Variants in SLC29A4 observed in about 807,000 individuals in gnomAD.
SLC29A4 encodes equilibrative nucleoside transporter 4.
A neutral mutation model predicts 43.9 loss-of-function variants in SLC29A4; 36 were observed. That is an observed-to-expected ratio of 0.82 (90% CI 0.63 to 1.08). SLC29A4 has a LOEUF of 1.08. Among genes scored for constraint, SLC29A4 ranks in the 50% least tolerant of loss-of-function variants. The probability of loss-of-function intolerance (pLI) is 0.00; values close to 1 mark genes in which losing one functional copy is unlikely to be tolerated. For missense variants in SLC29A4, 869 were observed against 755.3 expected (o/e 1.15, Z -1.77); for synonymous variants, 491 against 338.0 (o/e 1.45, Z -4.97).
At chr7:5,292,862 C>T (rs1233760938) in intron 5 of SLC29A4, among the ~76,000 whole-genome samples, 1 of 151,628 alleles carries the variant, frequency 6.6e-6, no homozygotes, top group East Asian at 1.9e-4. Context: ...CCATGCCAGG[C>T]TAATTTTTGT....
At chr7:5,293,466 A>G (rs1230289350) in intron 5 of SLC29A4, among the ~76,000 whole-genome samples, 1 of 152,150 alleles carries the variant, frequency 6.6e-6, no homozygotes, top group Admixed American at 6.6e-5. Flanking sequence ...CACTATGCCT[A>G]GCCAGCTTGG....
chr7:5,296,445 G>GCGGAGCTGGGGGCACC (rs1785667273), intron 6 of SLC29A4, among the ~76,000 whole-genome samples: 1 of 147,806 alleles, frequency 6.8e-6, no homozygotes, highest in Non-Finnish European at 1.5e-5. Flanking sequence ...TGTGGCTGGG[G>GCGGAGCTGGGGGCACC]CGGAGCTGGG....
chr7:5,291,306 A>C lies in SLC29A4; in HGVS notation c.415+69A>C, dbSNP rs536440464. Reference sequence around the variant, plus strand: ...CACCTGCCTGGCCGGTCACCCACTCACCCAGTTTCCCTGAGCCTCACTCCC... The same window carrying C: ...CACCTGCCTGGCCGGTCACCCACTCCCCCAGTTTCCCTGAGCCTCACTCCC... On this transcript the variant is annotated intron_variant, in intron 4 of 10. Transcript: ENST00000396872. 3.4e-4 allele frequency: 490 copies of C among 1,425,074 alleles called. 1 individual carries two copies. The African/African-American group carries it at 6.3e-3, about 18-fold the overall frequency. 88.3% of individuals were successfully genotyped at this position (1,425,074 alleles called of 1,614,324 possible).
Position 5,300,557 on chromosome 7 carries a change from C to G in SLC29A4, c.1345C>G (p.Pro449Ala), listed in dbSNP as rs1356455035. Residue 449 changes from proline to alanine, a missense_variant, in exon 10 of 11, where the codon CCC becomes GCC. Transcript: ENST00000396872. ...GCCCGCCCTCCGTCACCCCGCCTGGCCCTGCATCTTCTCACTGCTCATGGG... is the reference window on the plus strand; with the variant it reads ...GCCCGCCCTCCGTCACCCCGCCTGGGCCTGCATCTTCTCACTGCTCATGGG... ...GMPALRHPAW[P>A]CIFSLLMGIS... 1 of 1,612,392 alleles carries G rather than the reference C, an allele frequency of 6.2e-7. No homozygotes were observed. Among genetic ancestry groups the G allele is most frequent in the African/African-American group, 1.3e-5 (1 of 75,004 alleles).
In SLC29A4 at chr7:5,306,897, T is replaced by TC. The variant is rs1374339779; in HGVS notation, c.*3963dup. 1 of 148,596 alleles carries TC rather than the reference T, an allele frequency of 6.7e-6. No homozygotes were observed. The highest frequency in any genetic ancestry group is 6.6e-5 in the Admixed American group (1 of 15,138). The allele number at this position is 148,596 out of a possible 1,614,324, so 9.2% of individuals were successfully genotyped here. On this transcript the variant is annotated 3_prime_UTR_variant, in exon 11 of 11. Coordinates refer to ENST00000396872, the MANE Select transcript of SLC29A4 (RefSeq NM_153247.4). ...AAACATAAAAAAAAAAACCAATAAT[T>TC]CCCCCAAAAAACAAACCCAAAGTCT...
Position 5,299,282 on chromosome 7 carries a change from C to A in SLC29A4, c.1064C>A (p.Ala355Asp), listed in dbSNP as rs374421321. ...TACGTGGTGGCGCGGGTGATCTGGG[C>A]CGACATGCTCTCCATCGCCGTGACC... ...HRYVVARVIW[A>D]DMLSIAVTYF... The change falls in exon 9 of 11, where the codon GCC (alanine) becomes GAC (aspartate). Residue 355 changes from alanine to aspartate, a missense_variant. Transcript: ENST00000396872. 1 of 1,611,912 alleles carries A rather than the reference C, an allele frequency of 6.2e-7. No individual in the cohort carries two copies. The highest frequency in any genetic ancestry group is 1.3e-5 in the African/African-American group (1 of 74,874).
At chr7:5,300,721 G>C (rs1328609564) in intron 10 of SLC29A4, 59 bp downstream of exon 10, 12 of 1,577,828 alleles carry the variant, frequency 7.6e-6, no homozygotes, top group African/African-American at 1.4e-5. Context: ...TGCCCCCCTC[G>C]CGAGGAAACC....
At chr7:5,284,038 C>T (rs913971139) in intron 1 of SLC29A4, among the ~76,000 whole-genome samples, 3 of 108,436 alleles carry the variant, frequency 2.8e-5, no homozygotes, top group Non-Finnish European at 4.2e-5. Flanking sequence ...CACGACCCCC[C>T]CCCCCACCCC....
intron 10 of SLC29A4, among the ~76,000 whole-genome samples, 159 bp downstream of exon 10, chr7:5,300,821 C>T (rs1185638912): frequency 6.6e-6 from 1 of 152,230 alleles, no homozygotes; most frequent in African/African-American, 2.4e-5. Context: ...CATTCTCAGC[C>T]ACTTCATTCA....
At chr7:5,290,489 C>T (rs555702399) in intron 2 of SLC29A4, among the ~76,000 whole-genome samples, 13 of 152,314 alleles carry the variant, frequency 8.5e-5, no homozygotes, top group African/African-American at 1.7e-4. Flanking sequence ...GAGCTGGTTT[C>T]CTGTCCATCA....
chr7:5,299,112 G>A lies in SLC29A4; in HGVS notation c.1007G>A (p.Trp336Ter), dbSNP rs1785945134. The change falls in exon 8 of 11, where the codon TGG becomes TAG. Residue 336 changes from tryptophan (W) to a stop codon, truncating the protein, a stop_gained. Transcript: ENST00000396872. LOFTEE classifies it high-confidence loss of function. ...DVPRPRVQRS[W>*]PTFRALLLHR... ...CCGCGGCCAAGGGTCCAGCGCAGCT[G>A]GCCCACCTTCAGAGGTGAGTGCGGG... 6.2e-7 allele frequency: 1 copy of A among 1,610,468 alleles called. No individual in the cohort carries two copies. The highest frequency in any genetic ancestry group is 8.5e-7 in the Non-Finnish European group (1 of 1,179,132).
At chr7:5,302,677 C>A in intron 10 of SLC29A4, 120 bp from the exon 11 acceptor site, 1 of 960,876 alleles carries the variant, frequency 1.0e-6, no homozygotes, top group Non-Finnish European at 1.5e-6. Flanking sequence ...AGCGATGGGG[C>A]AGCGGGTCCT....
At chr7:5,299,545 A>C (rs1785983808) in intron 9 of SLC29A4, 118 bp downstream of exon 9, 1 of 1,172,448 alleles carries the variant, frequency 8.5e-7, no homozygotes, top group African/African-American at 1.5e-5. Flanking sequence ...CCAGGTGGAA[A>C]GGGCAAGAGC....
chr7:5,295,708 G>A lies in SLC29A4; in HGVS notation c.619+774G>A, dbSNP rs1342110811. On this transcript the variant is annotated intron_variant, in intron 6 of 10. Coordinates refer to ENST00000396872, the MANE Select transcript of SLC29A4 (RefSeq NM_153247.4). ...TGGCCCTGGCTCGTTTCTCCCCTTG[G>A]GGGCGTTCTGCAACCCTCTGCCTGG... 2.0e-5 allele frequency among the ~76,000 whole-genome samples: 3 copies of A among 152,240 alleles called. No homozygotes were observed. In the East Asian group the frequency reaches 5.8e-4, roughly 29 times the overall value.
At position 5,306,890 on chromosome 7, in the gene SLC29A4, C is replaced by CAAT. The variant is rs1386571663; in HGVS notation, c.*3955_*3957dup. On this transcript the variant is annotated 3_prime_UTR_variant, in exon 11 of 11. Coordinates refer to ENST00000396872, the MANE Select transcript of SLC29A4 (RefSeq NM_153247.4). ...CCAAAAGAAACATAAAAAAAAAAAC[C>CAAT]AATAATTCCCCCAAAAAACAAACCC... The CAAT allele has an allele frequency of 1.5e-4, 22 of 147,402 alleles. No individual in the cohort carries two copies. Among genetic ancestry groups the CAAT allele is most frequent in the African/African-American group, 5.0e-4 (19 of 37,890 alleles). The allele number at this position is 147,402 out of a possible 1,614,324, so 9.1% of individuals were successfully genotyped here.
intron 1 of SLC29A4, 25 bp from the exon 2 acceptor site, chr7:5,287,784 G>C (rs764447381): frequency 1.2e-6 from 2 of 1,604,088 alleles, no homozygotes; most frequent in Admixed American, 3.5e-5. Flanking sequence ...TCCCTCACCT[G>C]CTCTCTCTGC....
At position 5,302,819 on chromosome 7, in the gene SLC29A4, C is replaced by T. The variant is rs138218673; in HGVS notation, c.1473C>T (p.Tyr491=). 12 of 1,567,120 alleles carry T rather than the reference C, an allele frequency of 7.7e-6. No homozygotes were observed. The African/African-American group carries it at 9.5e-5, about 12-fold the overall frequency. ...ELAGNTMTVS[Y]MSGLTLGSAV... is the part of the protein sequence containing the mutation. ...CAGGGAACACCATGACCGTGTCCTACATGTCAGGGCTGACGCTGGGGTCCG... is the reference window on the plus strand; with the variant it reads ...CAGGGAACACCATGACCGTGTCCTATATGTCAGGGCTGACGCTGGGGTCCG... The change falls in exon 11 of 11, where the codon TAC becomes TAT. Residue 491 remains tyrosine, a synonymous_variant. Coordinates refer to ENST00000396872, the MANE Select transcript of SLC29A4 (RefSeq NM_153247.4).
chr7:5,287,942 C>G lies in SLC29A4; in HGVS notation c.126C>G (p.Gly42=), dbSNP rs1785063595. 6.2e-7 allele frequency: 1 copy of G among 1,611,496 alleles called. No individual in the cohort carries two copies. The highest frequency in any genetic ancestry group is 8.5e-7 in the Non-Finnish European group (1 of 1,179,640). Residue 42 remains glycine (G), a synonymous_variant, in exon 2 of 11, where the codon GGC becomes GGG. Coordinates refer to ENST00000396872, the MANE Select transcript of SLC29A4 (RefSeq NM_153247.4). ...AGGAGGCGGCGGAGGCGGCTCAGGG[C>G]CAGGGCCTTAGGGCCAGGGGCGTCC... ...QLEEAAEAAQ[G]QGLRARGVPA... is the part of the protein sequence containing the mutation.
At position 5,287,937 on chromosome 7, in the gene SLC29A4, CAGGGCCAGGGCCTT is replaced by C. The variant is rs777919702; in HGVS notation, c.132_145del (p.Leu45ArgfsTer16). On this transcript the variant is annotated frameshift_variant, in exon 2 of 11. Coordinates refer to ENST00000396872, the MANE Select transcript of SLC29A4 (RefSeq NM_153247.4). LOFTEE classifies it high-confidence loss of function. ...GCTGGAGGAGGCGGCGGAGGCGGCT[CAGGGCCAGGGCCTT>C]AGGGCCAGGGGCGTCCCAGCTTTCA... 4.2e-5 allele frequency: 67 copies of C among 1,611,266 alleles called. No homozygotes were observed. The highest frequency in any genetic ancestry group is 6.7e-5 in the Admixed American group (4 of 59,946).
Sources: gnomAD v4.1 joint callset for allele counts (sites outside exome capture counted in the v4.1 genomes callset) on GRCh38, gnomAD v4.1.1 for gene constraint, MANE v1.5 for transcripts, NCBI Gene and HGNC (gene_info 2026-07-23, HGNC 2026-07-21) for gene names.